Variants in SNTB1 observed in about 807,000 individuals in gnomAD.
SNTB1 encodes the protein beta-1-syntrophin.
Under a neutral mutation model 48.9 loss-of-function variants are expected in SNTB1, and 36 were observed. The observed-to-expected ratio is 0.74, with a 90% CI of 0.56 to 0.97. The LOEUF is 0.97. Among genes scored for constraint, SNTB1 ranks in the 50% least tolerant of loss-of-function variants. SNTB1 has a pLI of 0.00. For synonymous variants in SNTB1, 299 were observed against 294.6 expected, an observed-to-expected ratio of 1.01 and a Z score of -0.15; for missense variants, 786 against 703.4, an observed-to-expected ratio of 1.12 and a Z score of -1.33.
At chr8:120,716,135 A>G (rs1339366910) in intron 1 of SNTB1, among the ~76,000 whole-genome samples, 2 of 151,708 alleles carry the variant, frequency 1.3e-5, no homozygotes, top group Admixed American at 1.3e-4. Context: ...GGCTGAGCCC[A>G]TAGTTGGTAG....
intron 1 of SNTB1, among the ~76,000 whole-genome samples, chr8:120,702,361 C>G (rs1298399542): frequency 6.6e-6 from 1 of 152,234 alleles, no homozygotes; most frequent in African/African-American, 2.4e-5. Context: ...TCTTAGCTGA[C>G]TTGTTCTGCA....
chr8:120,722,130 G>T (rs1473726386), intron 1 of SNTB1, among the ~76,000 whole-genome samples: 1 of 152,112 alleles, frequency 6.6e-6, no homozygotes, highest in Non-Finnish European at 1.5e-5. Context: ...TCTTAATCCA[G>T]TCTATCATTG....
intron 2 of SNTB1, among the ~76,000 whole-genome samples, chr8:120,643,897 G>C (rs1817237946): frequency 6.6e-6 from 1 of 152,154 alleles, no homozygotes; most frequent in African/African-American, 2.4e-5. Flanking sequence ...CACACCATGA[G>C]TTCTGGTTTA....
rs181650628 is a variant in SNTB1 at position 120,641,462 on chromosome 8, A to C, written c.789-8811T>G. On this transcript the variant is annotated intron_variant, in intron 2 of 6. Transcript: ENST00000517992. Reference sequence around the variant, plus strand: ...AACAGCCACTCCACAGGTATTACACAAACAAAAGTGATGCCAGCAAAAATG... The same window carrying C: ...AACAGCCACTCCACAGGTATTACACCAACAAAAGTGATGCCAGCAAAAATG... 4.1e-3 allele frequency among the ~76,000 whole-genome samples: 628 copies of C among 152,324 alleles called. 3 individuals are homozygous for C. The highest frequency in any genetic ancestry group is 0.015 in the African/African-American group (607 of 41,578).
chr8:120,760,916 A>G (rs997163025), intron 1 of SNTB1, among the ~76,000 whole-genome samples: 1 of 152,218 alleles, frequency 6.6e-6, no homozygotes, highest in East Asian at 1.9e-4. Flanking sequence ...GCATGAAAAA[A>G]TACCGTAAAC....
At chr8:120,622,695 C>T (rs1428987581) in intron 3 of SNTB1, among the ~76,000 whole-genome samples, 2 of 152,114 alleles carry the variant, frequency 1.3e-5, no homozygotes, top group Non-Finnish European at 2.9e-5. Context: ...TGTCACAGTA[C>T]TAGCCATTAT....
intron 2 of SNTB1, among the ~76,000 whole-genome samples, chr8:120,657,961 T>A (rs983906156): frequency 1.4e-4 from 22 of 152,382 alleles, no homozygotes; most frequent in Non-Finnish European, 2.6e-4. Flanking sequence ...GTGCAGAGAA[T>A]CATCATTCTA....
intron 3 of SNTB1, among the ~76,000 whole-genome samples, chr8:120,586,949 G>GC (rs1309071449): frequency 6.6e-6 from 1 of 152,248 alleles, no homozygotes; most frequent in Middle Eastern, 3.4e-3. Flanking sequence ...GGCTGAGTAT[G>GC]GTGGCTCACA....
chr8:120,556,346 C>T (rs1815567485), intron 4 of SNTB1, among the ~76,000 whole-genome samples: 1 of 152,166 alleles, frequency 6.6e-6, no homozygotes, highest in Non-Finnish European at 1.5e-5. Flanking sequence ...AAAGATCTTC[C>T]TCCAGAGAGG....
intron 2 of SNTB1, among the ~76,000 whole-genome samples, chr8:120,664,370 T>C (rs971668603): frequency 5.9e-5 from 9 of 152,230 alleles, no homozygotes; most frequent in Non-Finnish European, 1.2e-4. Flanking sequence ...GCATTTCTAA[T>C]AGCTTTATTG....
At chr8:120,725,674 C>T (rs1195898182) in intron 1 of SNTB1, among the ~76,000 whole-genome samples, 1 of 152,142 alleles carries the variant, frequency 6.6e-6, no homozygotes, top group Admixed American at 6.6e-5. Context: ...TTGGTGGCAG[C>T]AGTATCTACA....
At chr8:120,801,742 C>T (rs1180666363) in intron 1 of SNTB1, among the ~76,000 whole-genome samples, 1 of 152,072 alleles carries the variant, frequency 6.6e-6, no homozygotes, top group Non-Finnish European at 1.5e-5. Context: ...TAGAGTTCTT[C>T]CAAAGAGTAT....
chr8:120,782,599 T>C (rs193018997), intron 1 of SNTB1, among the ~76,000 whole-genome samples: 1 of 152,208 alleles, frequency 6.6e-6, no homozygotes, highest in African/African-American at 2.4e-5. Flanking sequence ...TATACATACA[T>C]ACCTACACAC....
chr8:120,787,184 A>G (rs1023192070), intron 1 of SNTB1, among the ~76,000 whole-genome samples: 1 of 152,226 alleles, frequency 6.6e-6, no homozygotes, highest in African/African-American at 2.4e-5. Context: ...TAAACATTAA[A>G]GTCACATCCT....
At chr8:120,770,559 C>A (rs1819607074) in intron 1 of SNTB1, among the ~76,000 whole-genome samples, 1 of 152,254 alleles carries the variant, frequency 6.6e-6, no homozygotes, top group East Asian at 1.9e-4. Context: ...CACCTGTAAT[C>A]CCAGCACTTT....
intron 3 of SNTB1, among the ~76,000 whole-genome samples, chr8:120,610,749 G>T (rs938132003): frequency 2.6e-5 from 4 of 152,136 alleles, no homozygotes; most frequent in Non-Finnish European, 4.4e-5. Context: ...CTGAGATCTT[G>T]TTGGGAAGCT....
At chr8:120,597,058 G>A (rs7008488) in intron 3 of SNTB1, among the ~76,000 whole-genome samples, 98,393 of 152,008 alleles carry the variant, frequency 0.65, 32,870 homozygotes, top group Non-Finnish European at 0.74. Flanking sequence ...TGAGTTATCT[G>A]GATGAGCCCT....
chr8:120,788,310 A>G (rs897712074), intron 1 of SNTB1, among the ~76,000 whole-genome samples: 1 of 152,164 alleles, frequency 6.6e-6, no homozygotes, highest in Non-Finnish European at 1.5e-5. Flanking sequence ...TTATAAAACA[A>G]TAAGACAAGT....
chr8:120,567,765 A>G (rs1815777699), intron 4 of SNTB1, among the ~76,000 whole-genome samples: 1 of 150,752 alleles, frequency 6.6e-6, no homozygotes, highest in Non-Finnish European at 1.5e-5. Flanking sequence ...CAAGGTGATT[A>G]GTTAGTAGAC....
Sources: allele counts gnomAD v4.1 joint callset (sites outside exome capture counted in the v4.1 genomes callset), GRCh38; gene constraint gnomAD v4.1.1; transcripts MANE v1.5; gene names NCBI Gene and HGNC (gene_info 2026-07-23, HGNC 2026-07-21).